The following LIX1 variants were observed in gnomAD, a reference collection of about 807,000 sequenced individuals.
LIX1 encodes the protein limb and CNS expressed 1, also known as protein limb expression 1 homolog.
Under a neutral mutation model 33.4 loss-of-function variants are expected in LIX1, and 24 were observed. The observed-to-expected ratio is 0.72, with a 90% CI of 0.52 to 1.01. LIX1 has a LOEUF of 1.01. Among genes scored for constraint, LIX1 ranks in the 50% least tolerant of loss-of-function variants. LIX1 has a pLI of 0.00. For missense variants in LIX1, 311 were observed against 339.2 expected (o/e 0.92, Z 0.65); for synonymous variants, 124 against 124.0 (o/e 1.00, Z 0.00).
chr5:97,127,619 T>A (rs947224099), intron 1 of LIX1, among the ~76,000 whole-genome samples: 5 of 152,206 alleles, frequency 3.3e-5, no homozygotes, highest in Non-Finnish European at 4.4e-5. Flanking sequence ...ATGAAACACA[T>A]GCTTCTTTAT....
intron 4 of LIX1, among the ~76,000 whole-genome samples, chr5:97,100,964 G>A (rs1746664018): frequency 6.6e-6 from 1 of 151,120 alleles, no homozygotes; most frequent in African/African-American, 2.4e-5. Flanking sequence ...CTTTTCCTGT[G>A]AGGGTCTGTC....
chr5:97,119,567 A>G (rs992533475), intron 2 of LIX1, among the ~76,000 whole-genome samples: 2 of 152,196 alleles, frequency 1.3e-5, no homozygotes. Flanking sequence ...TTCAAAACAT[A>G]CTTGATTCAG....
At chr5:97,105,360 G>A in intron 3 of LIX1, 75 bp from the exon 4 acceptor site, 1 of 1,250,894 alleles carries the variant, frequency 8.0e-7, no homozygotes, top group Non-Finnish European at 1.2e-6. Flanking sequence ...AATTAATTCT[G>A]TGACCACACA....
At chr5:97,134,960 A>T (rs2112798337) in intron 1 of LIX1, among the ~76,000 whole-genome samples, 1 of 152,282 alleles carries the variant, frequency 6.6e-6, no homozygotes, top group African/African-American at 2.4e-5. Context: ...TTCCTTTGGT[A>T]ACGCTCCCAG....
At position 97,096,806 on chromosome 5, in the gene LIX1, T is replaced by C. The variant is rs1401324162; in HGVS notation, c.561+4A>G. ...CAGACTTAGACTTGATTAGAAAATCTTACCTGTCGGGAACACTTTGTTTCA... is the reference window on the plus strand; with the variant it reads ...CAGACTTAGACTTGATTAGAAAATCCTACCTGTCGGGAACACTTTGTTTCA... On this transcript the variant is annotated splice_donor_region_variant and intron_variant, in intron 5 of 5. Transcript: ENST00000274382. 3 of 1,608,916 alleles carry C rather than the reference T, an allele frequency of 1.9e-6. No homozygotes were observed. The highest frequency in any genetic ancestry group is 2.2e-5 in the East Asian group (1 of 44,870).
intron 2 of LIX1, among the ~76,000 whole-genome samples, chr5:97,111,147 G>A (rs529387575): frequency 1.3e-5 from 2 of 152,164 alleles, no homozygotes; most frequent in East Asian, 1.9e-4. Flanking sequence ...TGCTCCCACC[G>A]TCTCCTGGCT....
At position 97,142,506 on chromosome 5, in the gene LIX1, A is replaced by G. The variant is rs767042521; in HGVS notation, c.71T>C (p.Val24Ala). 1 of 1,613,758 alleles carries G rather than the reference A, an allele frequency of 6.2e-7. No individual in the cohort carries two copies. Among genetic ancestry groups the G allele is most frequent in the South Asian group, 1.1e-5 (1 of 91,078 alleles). Residue 24 changes from valine (V) to alanine (A), a missense_variant, in exon 1 of 6, where the codon GTC (valine) becomes GCC (alanine). Coordinates refer to ENST00000274382, the MANE Select transcript of LIX1 (RefSeq NM_153234.5). ...QVLPHRDPAL[V>A]FKDLNVVSML... ...CCTTCAGTACTTACAGTCTTTGAAG[A>G]CTAGAGCCGGATCTCTGTGAGGCAA...
intron 2 of LIX1, among the ~76,000 whole-genome samples, chr5:97,122,035 C>T (rs1047395157): frequency 6.6e-6 from 1 of 152,158 alleles, no homozygotes; most frequent in African/African-American, 2.4e-5. Flanking sequence ...TGCCTCTCAT[C>T]CGTGTCTTTG....
intron 1 of LIX1, among the ~76,000 whole-genome samples, chr5:97,136,912 C>T (rs540939538): frequency 6.6e-6 from 1 of 151,878 alleles, no homozygotes; most frequent in East Asian, 1.9e-4. Context: ...ACTAAACTTA[C>T]ATGGGCATTT....
intron 4 of LIX1, among the ~76,000 whole-genome samples, chr5:97,101,295 ATG>A (rs1746680956): frequency 6.6e-6 from 1 of 152,152 alleles, no homozygotes; most frequent in Admixed American, 6.5e-5. Context: ...CCCAAGAGAA[ATG>A]TGTCACTTGC....
intron 3 of LIX1, among the ~76,000 whole-genome samples, chr5:97,106,047 T>G (rs1286375194): frequency 3.3e-5 from 5 of 152,242 alleles, no homozygotes; most frequent in Non-Finnish European, 5.9e-5. Flanking sequence ...ATTAACACAC[T>G]GCTGCTGAAA....
At position 97,105,391 on chromosome 5, in the gene LIX1, A is replaced by C. The variant is rs987005773; in HGVS notation, c.388-106T>G. ...ACACAGTAAGCCTATTTTTGGTCTAACCTGAACAGATGTTCACAACCAAGT... is the reference window on the plus strand; with the variant it reads ...ACACAGTAAGCCTATTTTTGGTCTACCCTGAACAGATGTTCACAACCAAGT... On this transcript the variant is annotated intron_variant, in intron 3 of 5. Coordinates refer to ENST00000274382, the MANE Select transcript of LIX1 (RefSeq NM_153234.5). 19 of 825,860 alleles carry C rather than the reference A, an allele frequency of 2.3e-5. No homozygotes were observed. In the Admixed American group the frequency reaches 3.8e-4, roughly 16 times the overall value. 51.2% of individuals were successfully genotyped at this position (825,860 alleles called of 1,614,324 possible). A position where few individuals can be genotyped will look rare whatever the true frequency, so the allele number is the denominator to read the frequency against.
At chr5:97,111,933 G>A (rs79046296) in intron 2 of LIX1, among the ~76,000 whole-genome samples, 2,770 of 152,304 alleles carry the variant, frequency 0.018, 54 homozygotes, top group Non-Finnish European at 0.027. Context: ...ACATGTCTAT[G>A]CTCATTTTAT....
At chr5:97,142,459 A>G in intron 1 of LIX1, 36 bp downstream of exon 1, 3 of 1,497,830 alleles carry the variant, frequency 2.0e-6, no homozygotes, top group Middle Eastern at 3.4e-4. Context: ...ACTATTTTCT[A>G]AAAAGTCAAA....
chr5:97,137,095 G>C lies in LIX1; in HGVS notation c.82+5400C>G, dbSNP rs1290198612. ...CATTTAAACAGAAGATCATAACTTA[G>C]AAACTCACCCTTATGCATCTGTATC... On this transcript the variant is annotated intron_variant, in intron 1 of 5. Transcript: ENST00000274382. The C allele has an allele frequency of 2.9e-5, 13 of 445,694 alleles. No homozygotes were observed. In the Admixed American group the frequency reaches 3.1e-4, roughly 11 times the overall value. 27.6% of individuals were successfully genotyped at this position (445,694 alleles called of 1,614,324 possible).
intron 1 of LIX1, among the ~76,000 whole-genome samples, chr5:97,141,300 A>C (rs1748282072): frequency 6.6e-6 from 1 of 152,116 alleles, no homozygotes; most frequent in South Asian, 2.1e-4. Flanking sequence ...AAACATAACA[A>C]ACCTGAATAG....
At chr5:97,114,571 T>C (rs1166829213) in intron 2 of LIX1, among the ~76,000 whole-genome samples, 1 of 152,184 alleles carries the variant, frequency 6.6e-6, no homozygotes, top group East Asian at 1.9e-4. Context: ...ACCCAGGAAC[T>C]TGTTAAACAT....
At chr5:97,118,311 G>A (rs776109139) in intron 2 of LIX1, among the ~76,000 whole-genome samples, 21 of 152,174 alleles carry the variant, frequency 1.4e-4, no homozygotes, top group Non-Finnish European at 2.5e-4. Context: ...GGAAGACCAC[G>A]TCACTGACTT....
intron 4 of LIX1, among the ~76,000 whole-genome samples, chr5:97,098,805 A>G (rs2112749814): frequency 6.6e-6 from 1 of 152,358 alleles, no homozygotes; most frequent in East Asian, 1.9e-4. Flanking sequence ...CAGGAGACTC[A>G]TAGTCAGGTT....
Sources: gnomAD v4.1 joint callset for allele counts (sites outside exome capture counted in the v4.1 genomes callset) on GRCh38, gnomAD v4.1.1 for gene constraint, MANE v1.5 for transcripts, NCBI Gene and HGNC (gene_info 2026-07-23, HGNC 2026-07-21) for gene names.